FYB1: variants seen among roughly 807,000 people sequenced by gnomAD.
FYB1 encodes FYN-binding protein 1.
In FYB1, 41 loss-of-function variants were observed where a neutral mutation model predicts 94.1. The ratio of observed to expected loss-of-function variants is 0.44; its 90% CI spans 0.34 to 0.57. The LOEUF is 0.57. FYB1 is among the 20% of genes least tolerant of loss of function. The probability of loss-of-function intolerance (pLI) is 0.02; values close to 1 mark genes in which losing one functional copy is unlikely to be tolerated. For missense variants in FYB1, 1,050 were observed against 976.8 expected (o/e 1.07, Z -1.00); for synonymous variants, 367 against 353.2 (o/e 1.04, Z -0.44).
At chr5:39,154,616 C>T (rs1258843700) in intron 2 of FYB1, among the ~76,000 whole-genome samples, 1 of 151,924 alleles carries the variant, frequency 6.6e-6, no homozygotes, top group African/African-American at 2.4e-5. Context: ...AAGTGATTCT[C>T]CTGCCTCAGC....
intron 1 of FYB1, among the ~76,000 whole-genome samples, 194 bp downstream of exon 1, chr5:39,219,249 T>C (rs1750107277): frequency 6.6e-6 from 1 of 152,192 alleles, no homozygotes; most frequent in Non-Finnish European, 1.5e-5. Context: ...CTGCTTATCA[T>C]CCTTTTGGCT....
intron 1 of FYB1, chr5:39,270,836 A>C (rs1752643610): frequency 4.9e-6 from 2 of 404,092 alleles, no homozygotes; most frequent in Non-Finnish European, 8.8e-6. Context: ...AGACTGAAAA[A>C]TTGACACAAA....
chr5:39,220,014 T>A (rs1168302311), upstream of FYB1, among the ~76,000 whole-genome samples: 1 of 152,174 alleles, frequency 6.6e-6, no homozygotes, highest in Non-Finnish European at 1.5e-5. Flanking sequence ...GAGTGGTCAC[T>A]CATGTGTGGA....
chr5:39,269,206 T>C (rs921921228), intron 1 of FYB1, among the ~76,000 whole-genome samples: 3 of 152,040 alleles, frequency 2.0e-5, no homozygotes, highest in African/African-American at 4.8e-5. Context: ...CCCACCACGA[T>C]GCCCAGCTAA....
chr5:39,132,586 G>A (rs939234180), intron 9 of FYB1, among the ~76,000 whole-genome samples: 9 of 152,110 alleles, frequency 5.9e-5, no homozygotes, highest in Admixed American at 3.3e-4. Context: ...TTTTAGAGTC[G>A]TGGTATGTAT....
chr5:39,193,331 A>G (rs551934578), intron 2 of FYB1, among the ~76,000 whole-genome samples: 1 of 152,336 alleles, frequency 6.6e-6, no homozygotes, highest in South Asian at 2.1e-4. Flanking sequence ...GTTGGTATTT[A>G]AAAATGAGGA....
chr5:39,251,320 G>A (rs1247994495), intron 1 of FYB1, among the ~76,000 whole-genome samples: 1 of 152,020 alleles, frequency 6.6e-6, no homozygotes, highest in Non-Finnish European at 1.5e-5. Flanking sequence ...CCACACTAGG[G>A]GAAAATTAAA....
intron 15 of FYB1, among the ~76,000 whole-genome samples, chr5:39,119,327 AT>A (rs1305921421): frequency 2.0e-5 from 3 of 152,090 alleles, no homozygotes; most frequent in Non-Finnish European, 4.4e-5. Context: ...TTAATCTTTT[AT>A]AAAAATAAAT....
intron 2 of FYB1, among the ~76,000 whole-genome samples, chr5:39,196,932 T>A (rs1039869433): frequency 6.6e-6 from 1 of 152,222 alleles, no homozygotes; most frequent in Non-Finnish European, 1.5e-5. Context: ...CGGCATAATG[T>A]GTATGTGGTA....
At chr5:39,146,286 A>G (rs115568698) in intron 3 of FYB1, among the ~76,000 whole-genome samples, 222 of 152,236 alleles carry the variant, frequency 1.5e-3, no homozygotes, top group Non-Finnish European at 2.5e-3. Flanking sequence ...AAGCCTAATC[A>G]TTGCATTGCT....
chr5:39,251,952 G>A (rs1751729728), intron 1 of FYB1, among the ~76,000 whole-genome samples: 1 of 152,052 alleles, frequency 6.6e-6, no homozygotes, highest in South Asian at 2.1e-4. Flanking sequence ...AGACCATCCT[G>A]GCTAACACGG....
chr5:39,265,367 C>G (rs752044718), intron 1 of FYB1, among the ~76,000 whole-genome samples: 3 of 152,042 alleles, frequency 2.0e-5, no homozygotes, highest in Non-Finnish European at 4.4e-5. Flanking sequence ...GCTTACAGTC[C>G]CAGCTACTCA....
chr5:39,178,849 A>C (rs535117742), intron 2 of FYB1, among the ~76,000 whole-genome samples: 40 of 152,320 alleles, frequency 2.6e-4, no homozygotes, highest in African/African-American at 8.4e-4. Context: ...TAGGTACCGG[A>C]TAATTTTCTT....
At chr5:39,173,548 T>A (rs1745445393) in intron 2 of FYB1, among the ~76,000 whole-genome samples, 1 of 152,100 alleles carries the variant, frequency 6.6e-6, no homozygotes, top group Non-Finnish European at 1.5e-5. Flanking sequence ...AGTTTCTAGG[T>A]TTTCTTCTAG....
chr5:39,123,395 A>T (rs1376731388), intron 13 of FYB1, among the ~76,000 whole-genome samples: 1 of 152,190 alleles, frequency 6.6e-6, no homozygotes, highest in Admixed American at 6.6e-5. Flanking sequence ...CATATTTAAG[A>T]ACAACAAGCA....
chr5:39,157,265 G>A (rs995889447), intron 2 of FYB1, among the ~76,000 whole-genome samples: 1 of 152,054 alleles, frequency 6.6e-6, no homozygotes, highest in Non-Finnish European at 1.5e-5. Context: ...AGCTAAAATA[G>A]ACATTAGCAA....
intron 1 of FYB1, among the ~76,000 whole-genome samples, chr5:39,246,363 A>C (rs917165673): frequency 7.9e-5 from 12 of 152,240 alleles, no homozygotes; most frequent in African/African-American, 2.9e-4. Flanking sequence ...ATGGGCATAT[A>C]TTATATAATG....
intron 17 of FYB1, among the ~76,000 whole-genome samples, chr5:39,109,039 C>T (rs1738809140): frequency 6.6e-6 from 1 of 152,074 alleles, no homozygotes; most frequent in South Asian, 2.1e-4. Flanking sequence ...GCATTATAAA[C>T]ATGAACATTG....
At chr5:39,200,886 G>T (rs1470026272) in intron 2 of FYB1, among the ~76,000 whole-genome samples, 1 of 152,156 alleles carries the variant, frequency 6.6e-6, no homozygotes, top group Non-Finnish European at 1.5e-5. Flanking sequence ...ATAAACAACA[G>T]TTGCACATCA....
Sources: gnomAD v4.1 joint callset for allele counts (sites outside exome capture counted in the v4.1 genomes callset) on GRCh38, gnomAD v4.1.1 for gene constraint, MANE v1.5 for transcripts, NCBI Gene and HGNC (gene_info 2026-07-23, HGNC 2026-07-21) for gene names.